Variants in ABCC9 observed in about 807,000 individuals in gnomAD.
ABCC9 encodes ATP binding cassette subfamily C member 9.
Under a neutral mutation model 188.3 loss-of-function variants are expected in ABCC9, and 95 were observed. That is an observed-to-expected ratio of 0.50 (90% CI 0.43 to 0.60). The LOEUF is 0.60. Among genes scored for constraint, ABCC9 ranks in the 20% least tolerant of loss-of-function variants. The probability of loss-of-function intolerance (pLI) is 0.00; values close to 1 mark genes in which losing one functional copy is unlikely to be tolerated. For missense variants in ABCC9, 1,102 were observed against 1,876.3 expected (o/e 0.59, Z 7.62); for synonymous variants, 659 against 652.7 (o/e 1.01, Z -0.15).
intron 5 of ABCC9, 143 bp from the exon 6 acceptor site, chr12:21,917,246 CATAT>C: frequency 1.1e-6 from 1 of 884,194 alleles, no homozygotes; most frequent in Non-Finnish European, 1.8e-6. Context: ...AAGAAAACAA[CATAT>C]ATGATTTAGT....
At chr12:21,911,100 C>T (rs1948304040) in intron 8 of ABCC9, 122 bp from the exon 9 acceptor site, 2 of 943,088 alleles carry the variant, frequency 2.1e-6, no homozygotes, top group Admixed American at 2.3e-5. Flanking sequence ...ATTTATTATA[C>T]AGCAGTGAAA....
At chr12:21,899,019 A>G (rs1451232539) in intron 12 of ABCC9, among the ~76,000 whole-genome samples, 1 of 152,196 alleles carries the variant, frequency 6.6e-6, no homozygotes, top group Admixed American at 6.5e-5. Context: ...CAAGGAGACA[A>G]GTTAAAAAAC....
intron 24 of ABCC9, among the ~76,000 whole-genome samples, chr12:21,848,952 T>C (rs1944823963): frequency 6.6e-6 from 1 of 152,118 alleles, no homozygotes; most frequent in African/African-American, 2.4e-5. Flanking sequence ...GTAGAATCAT[T>C]TCATTTTCTC....
chr12:21,882,977 T>C (rs1946694707), intron 15 of ABCC9, 104 bp from the exon 16 acceptor site: 1 of 858,662 alleles, frequency 1.2e-6, no homozygotes, highest in African/African-American at 1.7e-5. Flanking sequence ...GAAAAAGAAG[T>C]GGATGTTATA....
At chr12:21,902,820 G>T (rs1466161966) in intron 12 of ABCC9, among the ~76,000 whole-genome samples, 9 of 152,112 alleles carry the variant, frequency 5.9e-5, no homozygotes, top group Non-Finnish European at 8.8e-5. Flanking sequence ...ACCAAAAACA[G>T]TCCAGGACCA....
At position 21,860,407 on chromosome 12, in the gene ABCC9, C is replaced by T. The variant is rs11046216; in HGVS notation, c.2424+564G>A. Among the ~76,000 whole-genome samples, 144 of 152,282 alleles carry T rather than the reference C, an allele frequency of 9.5e-4. 1 individual carries two copies. In the East Asian group the frequency reaches 0.018, roughly 19 times the overall value. ...TTTTTGCAGCTTCATATGCAGATAACGATAACACCCATAACACAGATTTGT... is the reference window on the plus strand; with the variant it reads ...TTTTTGCAGCTTCATATGCAGATAATGATAACACCCATAACACAGATTTGT... On this transcript the variant is annotated intron_variant, in intron 21 of 39. Transcript: ENST00000261200.
intron 24 of ABCC9, among the ~76,000 whole-genome samples, chr12:21,849,344 G>A (rs1944847020): frequency 6.6e-6 from 1 of 151,992 alleles, no homozygotes; most frequent in Non-Finnish European, 1.5e-5. Flanking sequence ...CAGATTCTTG[G>A]TTAAAAGAGT....
At chr12:21,838,384 TA>T (rs1944212940) in intron 29 of ABCC9, among the ~76,000 whole-genome samples, 1 of 152,176 alleles carries the variant, frequency 6.6e-6, no homozygotes, top group Non-Finnish European at 1.5e-5. Flanking sequence ...AGGCTGAACA[TA>T]ATGTGTTGTA....
At chr12:21,901,052 G>A (rs1191013953) in intron 12 of ABCC9, among the ~76,000 whole-genome samples, 1 of 151,996 alleles carries the variant, frequency 6.6e-6, no homozygotes, top group Non-Finnish European at 1.5e-5. Flanking sequence ...GGCAGCCAGA[G>A]AGAAAGGTCG....
chr12:21,921,015 A>C (rs1948797430), intron 5 of ABCC9, among the ~76,000 whole-genome samples: 1 of 152,062 alleles, frequency 6.6e-6, no homozygotes, highest in African/African-American at 2.4e-5. Context: ...TATTGTGAAC[A>C]GTGTTGCAAT....
chr12:21,834,087 G>C (rs1464361532), intron 30 of ABCC9, among the ~76,000 whole-genome samples: 1 of 152,012 alleles, frequency 6.6e-6, no homozygotes, highest in South Asian at 2.1e-4. Context: ...TATCATTACT[G>C]TTCTTGCTAA....
rs1320941493 is a variant in ABCC9, at chr12:21,809,858, C to A, written c.4309G>T (p.Gly1437Cys). The change falls in exon 37 of 40, where the codon GGT becomes TGT. Residue 1437 changes from glycine to cysteine, a missense_variant. Transcript: ENST00000261200. ...LKNMVKSLPG[G>C]LDAVVTEGGE... ...TGCTATTTAGGAAATATACCTAGAC[C>A]TCCAGGTAGAGATTTGACCATATTC... The A allele has an allele frequency of 1.3e-6, 2 of 1,585,622 alleles. No homozygotes were observed. Among genetic ancestry groups the A allele is most frequent in the Non-Finnish European group, 1.7e-6 (2 of 1,155,570 alleles).
At chr12:21,910,783 T>C (rs1231441831) in intron 9 of ABCC9, 43 bp downstream of exon 9, 1 of 1,558,038 alleles carries the variant, frequency 6.4e-7, no homozygotes. Context: ...GAATGGTATA[T>C]AGCATTCTTA....
chr12:21,936,557 TAAAC>T lies in ABCC9; in HGVS notation c.114_117del (p.Phe39SerfsTer32). On this transcript the variant is annotated frameshift_variant, in exon 3 of 40. Coordinates refer to ENST00000261200, the MANE Select transcript of ABCC9 (RefSeq NM_020297.4). LOFTEE classifies it high-confidence loss of function. ...CCAATAAACAATATTGGAAAAGTGA[TAAAC>T]AACAGAAAGACATGAGGGACCAGGT... 3 of 1,612,922 alleles carry T rather than the reference TAAAC, an allele frequency of 1.9e-6. No homozygotes were observed. Among genetic ancestry groups the T allele is most frequent in the Non-Finnish European group, 2.5e-6 (3 of 1,179,202 alleles).
intron 20 of ABCC9, among the ~76,000 whole-genome samples, chr12:21,862,690 AC>A (rs890263465): frequency 6.6e-6 from 1 of 151,778 alleles, no homozygotes; most frequent in Non-Finnish European, 1.5e-5. Flanking sequence ...TACCCTCCCC[AC>A]CCCACACACA....
intron 2 of ABCC9, among the ~76,000 whole-genome samples, chr12:21,937,840 T>C (rs1949552508): frequency 6.6e-6 from 1 of 152,154 alleles, no homozygotes; most frequent in Non-Finnish European, 1.5e-5. Flanking sequence ...ACTATTTCTT[T>C]CCACCGTATT....
chr12:21,899,906 G>C (rs1947633609), intron 12 of ABCC9, among the ~76,000 whole-genome samples: 1 of 152,146 alleles, frequency 6.6e-6, no homozygotes, highest in Non-Finnish European at 1.5e-5. Flanking sequence ...CAAACAAAAG[G>C]CAGAAAAAAC....
At chr12:21,807,803 G>T (rs978057295) in intron 37 of ABCC9, among the ~76,000 whole-genome samples, 3 of 151,994 alleles carry the variant, frequency 2.0e-5, no homozygotes, top group African/African-American at 4.8e-5. Context: ...ATTACCTAAG[G>T]CCCAGAGAGC....
chr12:21,835,265 A>C (rs1436728089), intron 30 of ABCC9, among the ~76,000 whole-genome samples: 1 of 152,216 alleles, frequency 6.6e-6, no homozygotes, highest in Non-Finnish European at 1.5e-5. Flanking sequence ...AAACATCTGG[A>C]CACCTAGTAT....
Sources: allele counts gnomAD v4.1 joint callset (sites outside exome capture counted in the v4.1 genomes callset), GRCh38; gene constraint gnomAD v4.1.1; transcripts MANE v1.5; gene names NCBI Gene and HGNC (gene_info 2026-07-23, HGNC 2026-07-21).